The following PPARG variants were observed in gnomAD, a reference collection of about 807,000 sequenced individuals.
PPARG encodes the protein peroxisome proliferator-activated receptor gamma.
PPARG carries 17 observed loss-of-function variants against 39.2 expected under a neutral mutation model. That is an observed-to-expected ratio of 0.43 (90% CI 0.30 to 0.65). PPARG has a LOEUF of 0.65. Among genes scored for constraint, PPARG ranks in the 30% least tolerant of loss-of-function variants. The probability of loss-of-function intolerance (pLI) is 0.13; values close to 1 mark genes in which losing one functional copy is unlikely to be tolerated. For missense variants in PPARG, 406 were observed against 585.9 expected, an observed-to-expected ratio of 0.69 and a Z score of 3.17; for synonymous variants, 223 against 215.7, an observed-to-expected ratio of 1.03 and a Z score of -0.30.
intron 6 of PPARG, among the ~76,000 whole-genome samples, chr3:12,416,203 AC>A (rs2051050796): frequency 6.6e-6 from 1 of 152,142 alleles, no homozygotes; most frequent in Non-Finnish European, 1.5e-5. Context: ...ACATGGTGAA[AC>A]CCCATCTCTA....
intron 5 of PPARG, among the ~76,000 whole-genome samples, chr3:12,393,033 T>C (rs1485874129): frequency 6.6e-6 from 1 of 152,140 alleles, no homozygotes; most frequent in African/African-American, 2.4e-5. Context: ...AATATAATGA[T>C]CATCATGATT....
chr3:12,291,327 T>C (rs9824047), intron 1 of PPARG, among the ~76,000 whole-genome samples: 3,280 of 152,298 alleles, frequency 0.022, 107 homozygotes, highest in African/African-American at 0.074. Flanking sequence ...ACGGATCTAA[T>C]TTGACTCCAC....
At chr3:12,299,896 C>T (rs1456361034) in intron 1 of PPARG, among the ~76,000 whole-genome samples, 1 of 152,042 alleles carries the variant, frequency 6.6e-6, no homozygotes, top group African/African-American at 2.4e-5. Flanking sequence ...AGACCCAGAT[C>T]CTATTTTAAA....
intron 7 of PPARG, among the ~76,000 whole-genome samples, chr3:12,422,378 G>C (rs2051292980): frequency 6.6e-6 from 1 of 152,204 alleles, no homozygotes; most frequent in Admixed American, 6.5e-5. Context: ...AGGTTAAGCA[G>C]TTTGCCGAAG....
At chr3:12,313,586 T>C (rs1342803034) in intron 2 of PPARG, among the ~76,000 whole-genome samples, 3 of 152,170 alleles carry the variant, frequency 2.0e-5, no homozygotes, top group Non-Finnish European at 4.4e-5. Context: ...CCCAAACATT[T>C]TGGATAAGAG....
chr3:12,367,715 A>T (rs991882559), intron 2 of PPARG, among the ~76,000 whole-genome samples: 1 of 151,610 alleles, frequency 6.6e-6, no homozygotes, highest in African/African-American at 2.4e-5. Flanking sequence ...AAAAAATAAA[A>T]ATAAAAAAAT....
chr3:12,366,168 C>G (rs997937039), intron 2 of PPARG, among the ~76,000 whole-genome samples: 5 of 151,938 alleles, frequency 3.3e-5, no homozygotes, highest in Non-Finnish European at 7.4e-5. Flanking sequence ...TAATGTAAAA[C>G]AAAACAGACA....
At chr3:12,359,789 C>T (rs182318475) in intron 2 of PPARG, among the ~76,000 whole-genome samples, 14 of 151,554 alleles carry the variant, frequency 9.2e-5, no homozygotes, top group Admixed American at 8.6e-4. Context: ...ATCCTCCTGC[C>T]TCAGCCTCCC....
intron 1 of PPARG, among the ~76,000 whole-genome samples, chr3:12,300,925 A>G (rs1381080937): frequency 1.3e-5 from 2 of 152,044 alleles, no homozygotes; most frequent in African/African-American, 4.8e-5. Flanking sequence ...TTTCAACTTG[A>G]TTTTATTTTG....
At chr3:12,412,290 T>A (rs926406169) in intron 6 of PPARG, among the ~76,000 whole-genome samples, 11 of 152,002 alleles carry the variant, frequency 7.2e-5, no homozygotes, top group African/African-American at 2.4e-4. Flanking sequence ...AAAAAAAAAA[T>A]TAATTACTCT....
At chr3:12,297,374 GATATGGAGGGCTTTTTGTTTGTTTTTAT>G (rs2046813524) in intron 1 of PPARG, among the ~76,000 whole-genome samples, 3 of 152,110 alleles carry the variant, frequency 2.0e-5, no homozygotes, top group Admixed American at 2.0e-4. Flanking sequence ...ACAGTAGTGA[GATATGGAGGGCTTTTTGTTTGTTTTTAT>G]ATTTTTCTCT....
chr3:12,340,746 G>T (rs181229882), intron 2 of PPARG, among the ~76,000 whole-genome samples: 1 of 152,160 alleles, frequency 6.6e-6, no homozygotes, highest in Non-Finnish European at 1.5e-5. Context: ...GGAAGAACCA[G>T]TTAAGTTTGT....
chr3:12,384,830 T>G (rs2049814239), intron 4 of PPARG, among the ~76,000 whole-genome samples: 1 of 152,182 alleles, frequency 6.6e-6, no homozygotes. Context: ...TGCTTATGTG[T>G]TCTTGTATAT....
chr3:12,380,431 T>C (rs890877752), intron 3 of PPARG, among the ~76,000 whole-genome samples: 1 of 152,232 alleles, frequency 6.6e-6, no homozygotes, highest in Non-Finnish European at 1.5e-5. Flanking sequence ...TTGTAGCCTA[T>C]TGATAAATTT....
intron 1 of PPARG, among the ~76,000 whole-genome samples, chr3:12,303,277 ACCT>A (rs1349093660): frequency 6.6e-6 from 1 of 150,972 alleles, no homozygotes; most frequent in East Asian, 1.9e-4. Flanking sequence ...ACTCACTGAA[ACCT>A]CCGCTTCCTG....
intron 1 of PPARG, among the ~76,000 whole-genome samples, chr3:12,291,067 AC>A (rs1479365871): frequency 6.6e-6 from 1 of 152,204 alleles, no homozygotes; most frequent in Admixed American, 6.5e-5. Context: ...TGGCAAATGT[AC>A]TGGAAGAAGT....
chr3:12,379,642 C>T (rs1437137932), intron 2 of PPARG, 62 bp from the exon 3 acceptor site: 9 of 1,440,236 alleles, frequency 6.2e-6, no homozygotes, highest in Non-Finnish European at 7.8e-6. Flanking sequence ...CTTTCTGAAA[C>T]TCTGTGAGAT....
chr3:12,302,265 G>T (rs1195505839), intron 1 of PPARG, among the ~76,000 whole-genome samples: 3 of 152,090 alleles, frequency 2.0e-5, no homozygotes, highest in Non-Finnish European at 4.4e-5. Context: ...AACAAGAAGG[G>T]AATTAAAGGA....
intron 7 of PPARG, among the ~76,000 whole-genome samples, chr3:12,418,761 G>A (rs754090613): frequency 1.3e-5 from 2 of 152,156 alleles, no homozygotes; most frequent in Non-Finnish European, 2.9e-5. Context: ...AGGCATGCTG[G>A]CTCAGACTCT....
Sources: allele counts gnomAD v4.1 joint callset (sites outside exome capture counted in the v4.1 genomes callset), GRCh38; gene constraint gnomAD v4.1.1; transcripts MANE v1.5; gene names NCBI Gene and HGNC (gene_info 2026-07-23, HGNC 2026-07-21).